The following LIMCH1 variants were observed in gnomAD, a reference collection of about 807,000 sequenced individuals.
The protein encoded by LIMCH1 is LIM and calponin homology domains 1.
In LIMCH1, 113 loss-of-function variants were observed where a neutral mutation model predicts 176.5. The observed-to-expected ratio is 0.64, with a 90% CI of 0.55 to 0.75. The LOEUF is 0.75. Ranked by LOEUF, LIMCH1 falls within the 30% of genes least tolerant of loss-of-function variation. The probability of loss-of-function intolerance (pLI) is 0.00; values close to 1 mark genes in which losing one functional copy is unlikely to be tolerated. For missense variants in LIMCH1, 1,674 were observed against 1,814.9 expected (o/e 0.92, Z 1.41); for synonymous variants, 619 against 645.9 (o/e 0.96, Z 0.63).
intron 18 of LIMCH1, among the ~76,000 whole-genome samples, chr4:41,657,683 G>T (rs1229727341): frequency 6.6e-6 from 1 of 152,120 alleles, no homozygotes; most frequent in Admixed American, 6.5e-5. Flanking sequence ...GCCAGATTTT[G>T]ATGACTAGCA....
intron 2 of LIMCH1, among the ~76,000 whole-genome samples, chr4:41,523,740 T>C (rs1305604081): frequency 6.6e-6 from 1 of 152,248 alleles, no homozygotes; most frequent in Non-Finnish European, 1.5e-5. Flanking sequence ...GTTGTTTCTC[T>C]TGCATTCCCT....
intron 1 of LIMCH1, among the ~76,000 whole-genome samples, chr4:41,367,684 C>CAAAAAAAAAAAAAAA (rs35832745): frequency 5.2e-5 from 5 of 96,506 alleles, no homozygotes; most frequent in Non-Finnish European, 5.8e-5. Context: ...ACTAAAAATC[C>CAAAAAAAAAAAAAAA]AAAAAAAAAA....
In LIMCH1 at chr4:41,646,285, G is replaced by A; in HGVS notation, c.2411+5G>A. The A allele has an allele frequency of 6.3e-7, 1 of 1,599,180 alleles. No individual in the cohort carries two copies. Among genetic ancestry groups the A allele is most frequent in the Middle Eastern group, 1.7e-4 (1 of 5,974 alleles). On this transcript the variant is annotated splice_donor_5th_base_variant and intron_variant, in intron 16 of 31. Coordinates refer to ENST00000503057, the MANE Select transcript of LIMCH1 (RefSeq NM_001330672.2). ...CAGAGAAATTGTTCAAGAAAAGTGA[G>A]TTCTTTCTGTTGTCGTTTTTAATGT... is the stretch of plus-strand genomic sequence containing the variant.
At chr4:41,635,236 C>CTTTTTTTTTTTTTTTTTTTTT (rs72130305) in intron 13 of LIMCH1, among the ~76,000 whole-genome samples, 1 of 143,298 alleles carries the variant, frequency 7.0e-6, no homozygotes. Context: ...TTCTCTGTCA[C>CTTTTTTTTTTTTTTTTTTTTT]TTTTTTTTTT....
chr4:41,510,446 C>G (rs757633643), intron 2 of LIMCH1, among the ~76,000 whole-genome samples: 92 of 152,214 alleles, frequency 6.0e-4, no homozygotes, highest in African/African-American at 2.1e-3. Flanking sequence ...TTTTGATTGT[C>G]TCTAATGGGC....
At chr4:41,626,248 T>C (rs1295772566) in intron 7 of LIMCH1, among the ~76,000 whole-genome samples, 1 of 152,130 alleles carries the variant, frequency 6.6e-6, no homozygotes, top group East Asian at 1.9e-4. Flanking sequence ...ACATTCTAGG[T>C]GTGGTGTCAC....
intron 25 of LIMCH1, 55 bp downstream of exon 25, chr4:41,681,114 C>A: frequency 9.1e-7 from 1 of 1,094,692 alleles, no homozygotes; most frequent in Non-Finnish European, 1.4e-6. Flanking sequence ...AATGGAAGTA[C>A]CAAACCCCAA....
intron 1 of LIMCH1, among the ~76,000 whole-genome samples, chr4:41,574,628 A>G (rs2152637636): frequency 6.6e-6 from 1 of 152,270 alleles, no homozygotes; most frequent in Admixed American, 6.5e-5. Context: ...CCTGGGAGAC[A>G]AGCACAGGCT....
At chr4:41,362,103 T>G (rs1359485088) in intron 1 of LIMCH1, among the ~76,000 whole-genome samples, 4 of 152,240 alleles carry the variant, frequency 2.6e-5, no homozygotes, top group Non-Finnish European at 4.4e-5. Flanking sequence ...TTAAACCTGC[T>G]GAGCTTCCTG....
chr4:41,569,240 C>T (rs1040147691), intron 1 of LIMCH1, among the ~76,000 whole-genome samples: 2 of 152,088 alleles, frequency 1.3e-5, no homozygotes, highest in African/African-American at 4.8e-5. Context: ...TTGAAGACTT[C>T]GGTCTGTGGC....
intron 1 of LIMCH1, among the ~76,000 whole-genome samples, chr4:41,399,575 C>G (rs1243166748): frequency 6.6e-6 from 1 of 151,712 alleles, no homozygotes; most frequent in Non-Finnish European, 1.5e-5. Flanking sequence ...AAAATTTTGG[C>G]TAATGATTAA....
At chr4:41,652,152 G>A (rs1315223721) in intron 18 of LIMCH1, among the ~76,000 whole-genome samples, 1 of 152,226 alleles carries the variant, frequency 6.6e-6, no homozygotes, top group Admixed American at 6.5e-5. Context: ...CACCAAGGGA[G>A]CTGAGCGTTG....
At chr4:41,394,417 A>G (rs2057584675) in intron 1 of LIMCH1, among the ~76,000 whole-genome samples, 1 of 152,226 alleles carries the variant, frequency 6.6e-6, no homozygotes, top group Admixed American at 6.5e-5. Context: ...AATTTCATAT[A>G]GGAGTTACAG....
chr4:41,407,110 A>C (rs1467469378), intron 1 of LIMCH1, among the ~76,000 whole-genome samples: 1 of 152,062 alleles, frequency 6.6e-6, no homozygotes, highest in Non-Finnish European at 1.5e-5. Context: ...ATGATAATGG[A>C]TGCCCTTCCA....
chr4:41,391,950 T>C (rs560728378), intron 1 of LIMCH1, among the ~76,000 whole-genome samples: 114 of 152,278 alleles, frequency 7.5e-4, no homozygotes, highest in African/African-American at 2.7e-3. Context: ...AAAGAACATA[T>C]GAGAACTCTC....
chr4:41,538,414 C>A, intron 1 of LIMCH1, 64 bp downstream of exon 1: 2 of 904,224 alleles, frequency 2.2e-6, no homozygotes, highest in Non-Finnish European at 2.6e-6. Context: ...AAGAAGGAAG[C>A]TATTTAGACT....
intron 15 of LIMCH1, 101 bp downstream of exon 15, chr4:41,644,727 G>A: frequency 1.4e-6 from 2 of 1,420,990 alleles, no homozygotes; most frequent in Non-Finnish European, 1.9e-6. Context: ...CGGGGAAAGG[G>A]AGCCCCTAGA....
chr4:41,408,031 G>A lies in LIMCH1; in HGVS notation c.96+47095G>A, dbSNP rs114239178. On this transcript the variant is annotated intron_variant, in intron 1 of 26. Transcript: ENST00000313860. ...TAGTTCCATATAGAATATGAAACTG[G>A]TCTCATTTCATACCTCGCCTCATTC... is the stretch of plus-strand genomic sequence containing the variant. 7.8e-3 allele frequency among the ~76,000 whole-genome samples: 1,188 copies of A among 152,226 alleles called. 16 individuals carry two copies. Among genetic ancestry groups the A allele is most frequent in the African/African-American group, 0.026 (1,093 of 41,536 alleles).
At chr4:41,686,223 G>C (rs1720650447) in intron 28 of LIMCH1, among the ~76,000 whole-genome samples, 1 of 152,154 alleles carries the variant, frequency 6.6e-6, no homozygotes, top group South Asian at 2.1e-4. Context: ...TACCTGAGCT[G>C]TAATTTAATT....
Sources: gnomAD v4.1 joint callset for allele counts (sites outside exome capture counted in the v4.1 genomes callset) on GRCh38, gnomAD v4.1.1 for gene constraint, MANE v1.5 for transcripts, NCBI Gene and HGNC (gene_info 2026-07-23, HGNC 2026-07-21) for gene names.